Variants in PCDHA2 observed in about 807,000 individuals in gnomAD.
The protein encoded by PCDHA2 is protocadherin alpha-2.
A neutral mutation model predicts 66.0 loss-of-function variants in PCDHA2; 58 were observed. The observed-to-expected ratio is 0.88, with a 90% CI of 0.71 to 1.09. PCDHA2 has a LOEUF of 1.09. PCDHA2 is among the 50% of genes least tolerant of loss of function. The probability of loss-of-function intolerance (pLI) is 0.00; values close to 1 mark genes in which losing one functional copy is unlikely to be tolerated. For synonymous variants in PCDHA2, 634 were observed against 554.0 expected (o/e 1.14, Z -2.03); for missense variants, 1,267 against 1,242.3 (o/e 1.02, Z -0.30).
intron 1 of PCDHA2, chr5:140,835,612 A>C (rs1226937699): frequency 1.9e-6 from 3 of 1,613,770 alleles, no homozygotes; most frequent in Non-Finnish European, 1.7e-6. Context: ...TTGGTGCTGG[A>C]CAGCGCTCTG....
At chr5:140,836,089 G>T in intron 1 of PCDHA2, 1 of 1,613,682 alleles carries the variant, frequency 6.2e-7, no homozygotes. Context: ...CTGGCGCCTC[G>T]GGTGGGTGGC....
intron 1 of PCDHA2, among the ~76,000 whole-genome samples, chr5:140,926,141 A>G (rs2082938262): frequency 6.6e-6 from 1 of 152,038 alleles, no homozygotes; most frequent in Non-Finnish European, 1.5e-5. Flanking sequence ...AGCAGGATCC[A>G]GCGCGGAAAG....
chr5:140,947,784 T>C (rs2094176527), intron 1 of PCDHA2, among the ~76,000 whole-genome samples: 1 of 151,672 alleles, frequency 6.6e-6, no homozygotes, highest in Non-Finnish European at 1.5e-5. Context: ...AAATGGATTT[T>C]AAACAGACTT....
chr5:140,809,162 C>G (rs782482719), intron 1 of PCDHA2: 1 of 1,614,004 alleles, frequency 6.2e-7, no homozygotes. Flanking sequence ...CGAGCCCGCG[C>G]TGACGGCCAC....
rs200390545 is a variant in PCDHA2 at position 140,821,737 on chromosome 5, G to A, written c.2388+24385G>A. ...TTGAATTTACAAAATACATTGTGTG[G>A]TGATGCAATAGAAAGCTCATAATTG... On this transcript the variant is annotated intron_variant, in intron 1 of 3. Transcript: ENST00000526136. 269 of 1,541,764 alleles carry A rather than the reference G, an allele frequency of 1.7e-4. 1 individual carries two copies. Among genetic ancestry groups the A allele is most frequent in the Middle Eastern group, 7.0e-4 (4 of 5,738 alleles).
chr5:140,920,630 G>A (rs937787340), intron 1 of PCDHA2, among the ~76,000 whole-genome samples: 1 of 152,060 alleles, frequency 6.6e-6, no homozygotes, highest in Non-Finnish European at 1.5e-5. Flanking sequence ...TGGATCACAA[G>A]GTCAAGAGAT....
At position 140,941,204 on chromosome 5, in the gene PCDHA2, TTTCTTTCTTC is replaced by T. The variant is rs1554213952; in HGVS notation, c.2389-37744_2389-37735del. Among the ~76,000 whole-genome samples, 512 of 88,682 alleles carry T rather than the reference TTTCTTTCTTC, an allele frequency of 5.8e-3. 4 individuals are homozygous for T. Among genetic ancestry groups the T allele is most frequent in the African/African-American group, 0.011 (178 of 16,048 alleles). The allele number at this position is 88,682 out of a possible 152,430, so 58.2% of individuals were successfully genotyped here. ...CTGCTTCTTTTTTTTTCTTTCTTCC[TTTCTTTCTTC>T]CTTTCTTTCTTTCTTTCTTTCTTTC... On this transcript the variant is annotated intron_variant, in intron 1 of 3. Coordinates refer to ENST00000526136, the MANE Select transcript of PCDHA2 (RefSeq NM_018905.3).
chr5:140,938,180 A>G (rs913967767), intron 1 of PCDHA2, among the ~76,000 whole-genome samples: 2 of 152,166 alleles, frequency 1.3e-5, no homozygotes, highest in Non-Finnish European at 2.9e-5. Flanking sequence ...TCCTGGGCTC[A>G]AGCAATCCTC....
At chr5:140,858,227 G>C (rs782000026) in intron 1 of PCDHA2, 1 of 1,596,486 alleles carries the variant, frequency 6.3e-7, no homozygotes. Context: ...GGCGCCCACC[G>C]AGGGCGCATG....
intron 3 of PCDHA2, 116 bp from the exon 4 acceptor site, chr5:141,009,511 G>A (rs2098410295): frequency 2.7e-5 from 41 of 1,498,054 alleles, no homozygotes; most frequent in Admixed American, 9.3e-5. Context: ...CAAACAACTC[G>A]TGATTTTTCT....
intron 1 of PCDHA2, chr5:140,811,534 C>T (rs1764897119): frequency 6.6e-6 from 1 of 151,892 alleles, no homozygotes; most frequent in African/African-American, 2.4e-5. Context: ...AGTAATGGGT[C>T]AAATGGTATT....
intron 1 of PCDHA2, chr5:140,877,334 C>G (rs375199455): frequency 3.1e-6 from 5 of 1,613,884 alleles, no homozygotes; most frequent in African/African-American, 1.3e-5. Flanking sequence ...GCGCACATCC[C>G]GTTCCACGTG....
At chr5:140,985,582 C>T (rs2097158950) in intron 3 of PCDHA2, among the ~76,000 whole-genome samples, 1 of 152,116 alleles carries the variant, frequency 6.6e-6, no homozygotes, top group Admixed American at 6.5e-5. Context: ...CCTAAGCCTC[C>T]TTATACTTGC....
Position 140,836,106 on chromosome 5 carries a change from G to A in PCDHA2, c.2388+38754G>A. Reference sequence around the variant, plus strand: ...GGCGCCTCGGGTGGGTGGCACTGGTGGCGCAGTGAGAGAGCTTGTGCCGCG... The same window carrying A: ...GGCGCCTCGGGTGGGTGGCACTGGTAGCGCAGTGAGAGAGCTTGTGCCGCG... On this transcript the variant is annotated intron_variant, in intron 1 of 3. Coordinates refer to ENST00000526136, the MANE Select transcript of PCDHA2 (RefSeq NM_018905.3). The A allele has an allele frequency of 6.2e-7, 1 of 1,613,738 alleles. No individual in the cohort carries two copies. The highest frequency in any genetic ancestry group is 8.5e-7 in the Non-Finnish European group (1 of 1,179,782).
chr5:140,869,245 A>T (rs782617385), intron 1 of PCDHA2: 14 of 1,613,510 alleles, frequency 8.7e-6, no homozygotes, highest in Non-Finnish European at 1.2e-5. Flanking sequence ...CGTGGGCCGC[A>T]TCGCGCAGGA....
At chr5:140,851,029 C>G (rs1554145203) in intron 1 of PCDHA2, 3 of 1,410,832 alleles carry the variant, frequency 2.1e-6, no homozygotes, top group African/African-American at 2.9e-5. Context: ...AAGTAAACCC[C>G]TTAACATTGG....
At chr5:140,879,813 T>C in intron 1 of PCDHA2, among the ~76,000 whole-genome samples, 1 of 152,346 alleles carries the variant, frequency 6.6e-6, no homozygotes, top group African/African-American at 2.4e-5. Flanking sequence ...CTATTGGCTG[T>C]TGGTGTTCCC....
At chr5:140,946,474 A>G (rs2093947876) in intron 1 of PCDHA2, among the ~76,000 whole-genome samples, 1 of 151,798 alleles carries the variant, frequency 6.6e-6, no homozygotes, top group Non-Finnish European at 1.5e-5. Context: ...ACTACTGGGT[A>G]TATATCCAAA....
At chr5:140,908,185 G>C (rs1399259532) in intron 1 of PCDHA2, among the ~76,000 whole-genome samples, 1 of 152,148 alleles carries the variant, frequency 6.6e-6, no homozygotes, top group East Asian at 1.9e-4. Flanking sequence ...TCCACTTTCA[G>C]GTGGTGGACA....
Sources: gnomAD v4.1 joint callset for allele counts (sites outside exome capture counted in the v4.1 genomes callset) on GRCh38, gnomAD v4.1.1 for gene constraint, MANE v1.5 for transcripts, NCBI Gene and HGNC (gene_info 2026-07-23, HGNC 2026-07-21) for gene names.